SATL1: variants seen among roughly 807,000 people sequenced by gnomAD.
The protein encoded by SATL1 is spermidine/spermine N1-acetyl transferase like 1, also known as spermidine/spermine N(1)-acetyltransferase-like protein 1.
SATL1 carries 47 observed loss-of-function variants against 51.8 expected under a neutral mutation model. The ratio of observed to expected loss-of-function variants is 0.91; its 90% confidence interval spans 0.72 to 1.16. SATL1 has a LOEUF of 1.16. Ranked by LOEUF, SATL1 falls within the 50% of genes most tolerant of loss-of-function variation. The pLI, the probability that SATL1 is intolerant of heterozygous loss-of-function variation, is 0.00. For synonymous variants in SATL1, 176 were observed against 182.4 expected (o/e 0.97, Z 0.28); for missense variants, 520 against 526.4 (o/e 0.99, Z 0.12).
chrX:85,185,965 C>T (rs1242283649), intron 2 of SATL1, among the ~76,000 whole-genome samples: 1 of 110,854 alleles, frequency 9.0e-6, no homozygotes, highest in Non-Finnish European at 1.9e-5. Context: ...TTCTGGGTCT[C>T]ACCCAAGGCC....
intron 2 of SATL1, among the ~76,000 whole-genome samples, chrX:85,158,639 A>G (rs960514927): frequency 8.9e-6 from 1 of 111,989 alleles, no homozygotes; most frequent in African/African-American, 3.2e-5. Flanking sequence ...AATAAAAACT[A>G]CATTTCCTAG....
chrX:85,212,047 A>G lies in SATL1; in HGVS notation c.-313+12158T>C, dbSNP rs1927938100. ...CTCATCCCTTCAGAGGGCCCTTCCC[A>G]GAAGAACTGTATCTCCACTTCCTCG... On this transcript the variant is annotated intron_variant, in intron 2 of 7. Coordinates refer to ENST00000644105, the MANE Select transcript of SATL1 (RefSeq NM_001367857.2). The G allele has an allele frequency of 2.7e-5, 3 of 111,663 alleles. No homozygotes were observed. In the South Asian group the frequency reaches 1.1e-3, roughly 42 times the overall value. 9.2% of individuals were successfully genotyped at this position (111,663 alleles called of 1,213,427 possible).
intron 1 of SATL1, among the ~76,000 whole-genome samples, chrX:85,233,970 C>A (rs777008383): frequency 1.5e-3 from 161 of 110,865 alleles, no homozygotes; most frequent in African/African-American, 4.5e-3. Flanking sequence ...GCAAATGTAA[C>A]CTAAATGAGA....
chrX:85,179,920 AAC>A lies in SATL1; in HGVS notation c.-313+44283_-313+44284del, dbSNP rs1041635285. The stretch of plus-strand genomic sequence containing the variant: ...CTGACTCCTGAATAATTAAAAAAAA[AAC>A]ACACACACACAATAATACCTAGCAT... On this transcript the variant is annotated intron_variant, in intron 2 of 7. Transcript: ENST00000644105. 5.5e-5 allele frequency among the ~76,000 whole-genome samples: 6 copies of A among 109,401 alleles called. No individual in the cohort carries two copies. In the East Asian group the frequency reaches 1.7e-3, roughly 31 times the overall value.
At chrX:85,141,531 T>C (rs1220716472) in intron 2 of SATL1, among the ~76,000 whole-genome samples, 2 of 111,743 alleles carry the variant, frequency 1.8e-5, no homozygotes, top group Non-Finnish European at 3.8e-5. Flanking sequence ...TGGTAGGACT[T>C]TCTAAGTGTG....
intron 2 of SATL1, among the ~76,000 whole-genome samples, chrX:85,133,829 C>T (rs1925880077): frequency 8.9e-6 from 1 of 111,787 alleles, no homozygotes; most frequent in African/African-American, 3.3e-5. Flanking sequence ...CCTTATATTG[C>T]CACTTAGAAT....
At chrX:85,139,524 C>G (rs2043983836) in intron 2 of SATL1, among the ~76,000 whole-genome samples, 1 of 110,887 alleles carries the variant, frequency 9.0e-6, no homozygotes, top group Non-Finnish European at 1.9e-5. Context: ...AGTCTACATA[C>G]TTAACCCTAC....
intron 1 of SATL1, among the ~76,000 whole-genome samples, chrX:85,241,758 G>A (rs911653407): frequency 2.7e-5 from 3 of 111,811 alleles, no homozygotes; most frequent in Non-Finnish European, 5.6e-5. Flanking sequence ...TGTTTGTTTT[G>A]TTATGCAAGT....
At chrX:85,186,330 C>A (rs925428694) in intron 2 of SATL1, among the ~76,000 whole-genome samples, 1 of 109,323 alleles carries the variant, frequency 9.1e-6, no homozygotes, top group South Asian at 4.0e-4. Context: ...GATGCAAACA[C>A]TCCCTTGGCT....
intron 2 of SATL1, chrX:85,211,753 G>A (rs1226734524): frequency 9.0e-6 from 1 of 111,232 alleles, no homozygotes; most frequent in Admixed American, 9.6e-5. Context: ...TGATGAAGAC[G>A]ACAGATAGAT....
intron 6 of SATL1, among the ~76,000 whole-genome samples, chrX:85,093,596 C>T (rs149636376): frequency 0.032 from 3,582 of 112,422 alleles, 79 homozygotes; most frequent in Admixed American, 0.1. Flanking sequence ...TGTGATGGCA[C>T]GATGGCTCAC....
intron 2 of SATL1, among the ~76,000 whole-genome samples, chrX:85,174,723 A>C (rs1458223102): frequency 9.0e-6 from 1 of 111,609 alleles, no homozygotes; most frequent in Non-Finnish European, 1.9e-5. Flanking sequence ...AAATAGTGTA[A>C]ATTTTCTCTC....
At chrX:85,220,706 G>C (rs1271635037) in intron 2 of SATL1, among the ~76,000 whole-genome samples, 1 of 84,000 alleles carries the variant, frequency 1.2e-5, no homozygotes, top group Non-Finnish European at 2.2e-5. Context: ...GATCTAAGAT[G>C]CATCACACAG....
rs370766619 is a variant in SATL1 at position 85,199,538 on chromosome X, T to C, written c.-313+24667A>G. On this transcript the variant is annotated intron_variant, in intron 2 of 7. Transcript: ENST00000644105. Reference sequence around the variant, plus strand: ...GATTTGGAAGCAACATAAGTGTCGGTCAACAGATGGAGAAAGCAAGTGTGG... The same window carrying C: ...GATTTGGAAGCAACATAAGTGTCGGCCAACAGATGGAGAAAGCAAGTGTGG... 2.0e-4 allele frequency among the ~76,000 whole-genome samples: 22 copies of C among 111,845 alleles called. No individual in the cohort carries two copies. In the East Asian group the frequency reaches 4.8e-3, roughly 24 times the overall value.
intron 2 of SATL1, among the ~76,000 whole-genome samples, chrX:85,152,390 A>T (rs1429364238): frequency 1.8e-5 from 2 of 111,890 alleles, no homozygotes; most frequent in Admixed American, 9.5e-5. Context: ...TAGTTCAACC[A>T]TTGTGGAAGT....
At chrX:85,197,006 A>T (rs1041511963) in intron 2 of SATL1, among the ~76,000 whole-genome samples, 7 of 111,754 alleles carry the variant, frequency 6.3e-5, no homozygotes, top group Non-Finnish European at 1.3e-4. Context: ...AAATGATCAA[A>T]CTTTAAAATT....
intron 2 of SATL1, chrX:85,210,368 TTAA>T (rs1927887955): frequency 1.1e-5 from 1 of 94,691 alleles, no homozygotes; most frequent in African/African-American, 3.9e-5. Context: ...TGGGTTTGGA[TTAA>T]TAAGTTTAAA....
intron 2 of SATL1, among the ~76,000 whole-genome samples, chrX:85,148,421 T>C (rs1267634934): frequency 1.8e-5 from 2 of 109,709 alleles, no homozygotes; most frequent in Non-Finnish European, 3.8e-5. Flanking sequence ...ACTTCCCCAA[T>C]CTAGCAAGGC....
intron 2 of SATL1, chrX:85,212,929 T>G (rs963956884): frequency 9.0e-6 from 1 of 111,640 alleles, no homozygotes; most frequent in Non-Finnish European, 1.9e-5. Context: ...TATGATAGAA[T>G]TAGACAAATT....
Sources: gnomAD v4.1 joint callset for allele counts (sites outside exome capture counted in the v4.1 genomes callset) on GRCh38, gnomAD v4.1.1 for gene constraint, MANE v1.5 for transcripts, NCBI Gene and HGNC (gene_info 2026-07-23, HGNC 2026-07-21) for gene names.